Variants in PODXL observed in about 807,000 individuals in gnomAD.
PODXL encodes podocalyxin like, also known as podocalyxin.
PODXL carries 20 observed loss-of-function variants against 48.9 expected under a neutral mutation model. The ratio of observed to expected loss-of-function variants is 0.41; its 90% CI spans 0.29 to 0.59. The LOEUF is 0.59. PODXL is among the 20% of genes least tolerant of loss of function. PODXL has a pLI of 0.31. For missense variants in PODXL, 606 were observed against 675.1 expected (o/e 0.90, Z 1.13); for synonymous variants, 295 against 287.4 (o/e 1.03, Z -0.27).
rs996349365 is a variant in PODXL at position 131,502,375 on chromosome 7, T to G, written c.*1936A>C. On this transcript the variant is annotated 3_prime_UTR_variant, in exon 9 of 9. Transcript: ENST00000378555. ...TTGGAACTTGTTAGCCTCGCATCCC[T>G]CTAACTCCTGGGAAACTCGCTGGGG... 6.6e-6 allele frequency: 1 copy of G among 152,228 alleles called. No homozygotes were observed. The highest frequency in any genetic ancestry group is 1.5e-5 in the Non-Finnish European group (1 of 68,080). The allele number at this position is 152,228 out of a possible 1,614,324, so 9.4% of individuals were successfully genotyped here.
At chr7:131,519,879 C>A (rs373751814) in intron 1 of PODXL, among the ~76,000 whole-genome samples, 1 of 152,022 alleles carries the variant, frequency 6.6e-6, no homozygotes, top group Non-Finnish European at 1.5e-5. Context: ...TGTACCACCA[C>A]GCTCAGCTAA....
intron 1 of PODXL, among the ~76,000 whole-genome samples, chr7:131,548,971 G>A (rs1798626391): frequency 6.6e-6 from 1 of 152,184 alleles, no homozygotes; most frequent in South Asian, 2.1e-4. Context: ...CTATATTTAT[G>A]GAACAGCTAC....
intron 1 of PODXL, among the ~76,000 whole-genome samples, chr7:131,517,626 G>A (rs1293041111): frequency 5.3e-5 from 8 of 152,042 alleles, no homozygotes; most frequent in African/African-American, 1.4e-4. Flanking sequence ...TGCTCCCTCC[G>A]AAGACACCAG....
At chr7:131,507,037 G>C (rs957921741) in intron 5 of PODXL, 2 of 306,520 alleles carry the variant, frequency 6.5e-6, no homozygotes, top group Non-Finnish European at 1.2e-5. Flanking sequence ...AGCTGTTTGC[G>C]GATTGGGGGT....
At chr7:131,540,732 A>C (rs1237804404) in intron 1 of PODXL, among the ~76,000 whole-genome samples, 1 of 152,308 alleles carries the variant, frequency 6.6e-6, no homozygotes. Flanking sequence ...CCGTGAAAAT[A>C]ACCAGATGTG....
chr7:131,503,312 C>T lies in PODXL; in HGVS notation c.*999G>A, dbSNP rs532875618. 1.3e-5 allele frequency: 2 copies of T among 152,698 alleles called. No homozygotes were observed. Among genetic ancestry groups the T allele is most frequent in the South Asian group, 2.1e-4 (1 of 4,828 alleles). The allele number at this position is 152,698 out of a possible 1,614,324, so 9.5% of individuals were successfully genotyped here. On this transcript the variant is annotated 3_prime_UTR_variant, in exon 9 of 9. Coordinates refer to ENST00000378555, the MANE Select transcript of PODXL (RefSeq NM_001018111.3). ...ATACTGGGTCTCAGGGAATCACTCCCATCAGCTGAGCAGTGAACAACAAAA... is the reference window on the plus strand; with the variant it reads ...ATACTGGGTCTCAGGGAATCACTCCTATCAGCTGAGCAGTGAACAACAAAA...
At position 131,501,537 on chromosome 7, in the gene PODXL, C is replaced by G. The variant is rs750838553; in HGVS notation, c.*2774G>C. On this transcript the variant is annotated 3_prime_UTR_variant, in exon 9 of 9. Transcript: ENST00000378555. ...TCTGTCTTACAACGCAAAGAATATT[C>G]TGTACCTCCTTCATAAGCTTTGCTG... The G allele has an allele frequency of 2.6e-5, 4 of 152,258 alleles. No individual in the cohort carries two copies. The highest frequency in any genetic ancestry group is 4.4e-5 in the Non-Finnish European group (3 of 68,026). 9.4% of individuals were successfully genotyped at this position (152,258 alleles called of 1,614,324 possible).
chr7:131,516,489 C>G (rs138076962), intron 1 of PODXL, among the ~76,000 whole-genome samples: 2 of 152,096 alleles, frequency 1.3e-5, no homozygotes, highest in East Asian at 3.9e-4. Context: ...TGCACTCCAA[C>G]CTGGGAGACA....
intron 1 of PODXL, among the ~76,000 whole-genome samples, chr7:131,533,317 G>T (rs1305602033): frequency 6.6e-6 from 1 of 152,180 alleles, no homozygotes; most frequent in African/African-American, 2.4e-5. Context: ...TCAGGGGTGG[G>T]GTCGTCAGGC....
At chr7:131,533,381 A>G (rs918805869) in intron 1 of PODXL, among the ~76,000 whole-genome samples, 1 of 152,076 alleles carries the variant, frequency 6.6e-6, no homozygotes, top group Non-Finnish European at 1.5e-5. Flanking sequence ...CCCTTAGGGG[A>G]GATAATTCCG....
chr7:131,540,360 G>A (rs1244318515), intron 1 of PODXL, among the ~76,000 whole-genome samples: 4 of 152,070 alleles, frequency 2.6e-5, no homozygotes, highest in East Asian at 1.9e-4. Context: ...TATGTACCTC[G>A]TTCAGAAAAG....
Position 131,510,903 on chromosome 7 carries a change from T to C in PODXL, c.631A>G (p.Lys211Glu). 1 of 1,614,182 alleles carries C rather than the reference T, an allele frequency of 6.2e-7. No homozygotes were observed. ...PTSSGHDHLM[K>E]ISSSSSTVAI... The stretch of plus-strand genomic sequence containing the variant: ...ACAGTGCTTGAACTGCTTGAAATTT[T>C]CATAAGATGGTCATGTCCCGAGCTT... Residue 211 changes from lysine (K) to glutamate (E), a missense_variant, in exon 2 of 9, where the codon AAA (lysine) becomes GAA (glutamate). Physicochemically the swap from Lys to Glu is moderately conservative, Grantham distance 56. Transcript: ENST00000378555.
chr7:131,504,586 C>G, intron 8 of PODXL, 78 bp from the exon 9 acceptor site: 1 of 1,192,614 alleles, frequency 8.4e-7, no homozygotes, highest in Non-Finnish European at 1.2e-6. Flanking sequence ...ACGTACCCCT[C>G]CCACTCAGGA....
intron 1 of PODXL, among the ~76,000 whole-genome samples, chr7:131,551,694 T>C (rs893765926): frequency 1.0e-4 from 15 of 150,716 alleles, no homozygotes; most frequent in Non-Finnish European, 4.4e-5. Flanking sequence ...CCCAGCACTT[T>C]GGGAGGCTGA....
intron 1 of PODXL, among the ~76,000 whole-genome samples, chr7:131,516,668 T>G (rs946108463): frequency 6.6e-6 from 1 of 152,094 alleles, no homozygotes; most frequent in East Asian, 1.9e-4. Flanking sequence ...CATCTTTCCA[T>G]GTCTCTGAAA....
At chr7:131,509,921 G>A (rs1418402537) in intron 3 of PODXL, among the ~76,000 whole-genome samples, 4 of 152,182 alleles carry the variant, frequency 2.6e-5, no homozygotes, top group East Asian at 3.9e-4. Context: ...TGATTTGCCC[G>A]AGTTCCTGTG....
At position 131,515,605 on chromosome 7, in the gene PODXL, G is replaced by A. The variant is rs140911807; in HGVS notation, c.101-4172C>T. On this transcript the variant is annotated intron_variant, in intron 1 of 8. Coordinates refer to ENST00000378555, the MANE Select transcript of PODXL (RefSeq NM_001018111.3). ...TTTAGTAGAAATGGGGTTTCACCATGTTAGCCAGGCTGGTCTCGAACTACT... is the reference window on the plus strand; with the variant it reads ...TTTAGTAGAAATGGGGTTTCACCATATTAGCCAGGCTGGTCTCGAACTACT... Among the ~76,000 whole-genome samples the A allele has an allele frequency of 4.7e-3, 716 of 152,240 alleles. 5 individuals are homozygous for A. Among genetic ancestry groups the A allele is most frequent in the Middle Eastern group, 0.037 (11 of 294 alleles).
chr7:131,521,104 A>C (rs1798085492), intron 1 of PODXL, among the ~76,000 whole-genome samples: 1 of 150,256 alleles, frequency 6.7e-6, no homozygotes, highest in African/African-American at 2.4e-5. Flanking sequence ...GGAGGCAGAG[A>C]CTACACTGAG....
chr7:131,512,165 G>T (rs1210597179), intron 1 of PODXL, among the ~76,000 whole-genome samples: 1 of 152,220 alleles, frequency 6.6e-6, no homozygotes, highest in Non-Finnish European at 1.5e-5. Context: ...GAAAGGCCGA[G>T]TGCCCGGACT....
Sources: allele counts gnomAD v4.1 joint callset (sites outside exome capture counted in the v4.1 genomes callset), GRCh38; gene constraint gnomAD v4.1.1; transcripts MANE v1.5; gene names NCBI Gene and HGNC (gene_info 2026-07-23, HGNC 2026-07-21).